Variants in OSBPL1A observed in about 807,000 individuals in gnomAD.
OSBPL1A encodes the protein oxysterol-binding protein-related protein 1.
OSBPL1A carries 80 observed loss-of-function variants against 137.1 expected under a neutral mutation model. That is an observed-to-expected ratio of 0.58 (90% CI 0.49 to 0.70). OSBPL1A has a LOEUF of 0.70. Ranked by LOEUF, OSBPL1A falls within the 30% of genes least tolerant of loss-of-function variation. The pLI is 0.00. For missense variants in OSBPL1A, 970 were observed against 1,129.4 expected (o/e 0.86, Z 2.02); for synonymous variants, 365 against 389.7 (o/e 0.94, Z 0.75).
chr18:24,397,286 G>A (rs966578088), intron 1 of OSBPL1A, among the ~76,000 whole-genome samples: 12 of 152,200 alleles, frequency 7.9e-5, no homozygotes, highest in African/African-American at 2.9e-4. Context: ...CTTGTTAGGA[G>A]GAAATTAAAA....
chr18:24,246,970 G>T (rs1311571329), intron 15 of OSBPL1A, among the ~76,000 whole-genome samples: 1 of 152,058 alleles, frequency 6.6e-6, no homozygotes, highest in Non-Finnish European at 1.5e-5. Flanking sequence ...AATCAAGGAC[G>T]ACTCCATGTT....
In OSBPL1A at chr18:24,296,057, T is replaced by TG. The variant is rs1445030904; in HGVS notation, c.1174+7579dup. Among the ~76,000 whole-genome samples, 10 of 152,342 alleles carry TG rather than the reference T, an allele frequency of 6.6e-5. No individual in the cohort carries two copies. The East Asian group carries it at 1.9e-3, about 29-fold the overall frequency. Reference sequence around the variant, plus strand: ...TCTGTGAAAAATTGTGATGGTATTTTGATGGGAATTGCATTGCATCTGTAA... The same window carrying TG: ...TCTGTGAAAAATTGTGATGGTATTTTGGATGGGAATTGCATTGCATCTGTAA... On this transcript the variant is annotated intron_variant, in intron 14 of 27. Coordinates refer to ENST00000319481, the MANE Select transcript of OSBPL1A (RefSeq NM_080597.4).
intron 7 of OSBPL1A, among the ~76,000 whole-genome samples, chr18:24,323,148 TCA>T: frequency 1.3e-5 from 2 of 152,214 alleles, no homozygotes; most frequent in Middle Eastern, 6.8e-3. Flanking sequence ...AGGGGAAATC[TCA>T]CATATTAAAA....
chr18:24,255,026 A>G (rs275851), intron 15 of OSBPL1A, among the ~76,000 whole-genome samples: 141,487 of 152,202 alleles, frequency 0.93, 65,937 homozygotes, highest in Admixed American at 0.97. Context: ...ACATTACAAC[A>G]GATACCACAG....
At position 24,175,127 on chromosome 18, in the gene OSBPL1A, TATATATATAC is replaced by T. The variant is rs1400602074; in HGVS notation, c.2094-2654_2094-2645del. Among the ~76,000 whole-genome samples the T allele has an allele frequency of 1.3e-3, 149 of 118,880 alleles. 1 individual carries two copies. The highest frequency in any genetic ancestry group is 3.2e-3 in the South Asian group (11 of 3,456). 78.0% of individuals were successfully genotyped at this position (118,880 alleles called of 152,430 possible). On this transcript the variant is annotated intron_variant, in intron 21 of 27. Transcript: ENST00000319481. ...GTGTATGTATATATATATATATATA[TATATATATAC>T]ACATATATATATATATATGAAGTAT...
At chr18:24,262,328 T>C (rs749802571) in intron 15 of OSBPL1A, among the ~76,000 whole-genome samples, 12 of 152,298 alleles carry the variant, frequency 7.9e-5, no homozygotes, top group Non-Finnish European at 1.3e-4. Context: ...GACCTAAAAA[T>C]AGCTTGCTCT....
intron 15 of OSBPL1A, among the ~76,000 whole-genome samples, chr18:24,280,242 G>A (rs1269023101): frequency 6.6e-6 from 1 of 152,112 alleles, no homozygotes; most frequent in African/African-American, 2.4e-5. Flanking sequence ...ACCACGCCTG[G>A]CCTAATTTTT....
intron 18 of OSBPL1A, 45 bp from the exon 19 acceptor site, chr18:24,181,324 C>T (rs2086600820): frequency 3.8e-6 from 6 of 1,586,000 alleles, no homozygotes; most frequent in Non-Finnish European, 5.2e-6. Flanking sequence ...ATATACATAA[C>T]AAACAAACCT....
At chr18:24,164,363 T>C (rs1343063482) in intron 27 of OSBPL1A, among the ~76,000 whole-genome samples, 1 of 149,262 alleles carries the variant, frequency 6.7e-6, no homozygotes, top group South Asian at 2.1e-4. Context: ...GCTCATACAC[T>C]CGTAGTGAAA....
At chr18:24,228,318 C>T (rs886243601) in intron 16 of OSBPL1A, among the ~76,000 whole-genome samples, 2 of 151,532 alleles carry the variant, frequency 1.3e-5, no homozygotes, top group African/African-American at 2.4e-5. Context: ...CTTACTCCTC[C>T]TCTATACTTT....
At chr18:24,277,176 A>G (rs997498467) in intron 15 of OSBPL1A, among the ~76,000 whole-genome samples, 2 of 152,178 alleles carry the variant, frequency 1.3e-5, no homozygotes, top group African/African-American at 2.4e-5. Flanking sequence ...TCACATAAAC[A>G]TTATCCCCTG....
rs1336442598 is a variant in OSBPL1A, at chr18:24,318,812, G to A, written c.626-3C>T. 1 of 1,611,376 alleles carries A rather than the reference G, an allele frequency of 6.2e-7. No homozygotes were observed. Among genetic ancestry groups the A allele is most frequent in the East Asian group, 2.2e-5 (1 of 44,844 alleles). On this transcript the variant is annotated splice_region_variant and splice_polypyrimidine_tract_variant and intron_variant, in intron 7 of 27. Transcript: ENST00000319481. Reference sequence around the variant, plus strand: ...GGCAAGGTCAAGAGGTTTCTGATCTGTGCAAAATACAAAGAAAAAAAGCCA... The same window carrying A: ...GGCAAGGTCAAGAGGTTTCTGATCTATGCAAAATACAAAGAAAAAAAGCCA...
chr18:24,324,056 TAAAA>T (rs766728996), intron 7 of OSBPL1A, among the ~76,000 whole-genome samples: 1 of 65,206 alleles, frequency 1.5e-5, no homozygotes, highest in Non-Finnish European at 3.1e-5. Context: ...CTCATTTGGG[TAAAA>T]AAAAAAAAAA....
chr18:24,292,952 A>T (rs2090203643), intron 14 of OSBPL1A, among the ~76,000 whole-genome samples: 2 of 151,990 alleles, frequency 1.3e-5, no homozygotes, highest in South Asian at 4.2e-4. Flanking sequence ...CTAAAAATAT[A>T]AAAATTAGCC....
At chr18:24,315,540 C>A (rs2090703179) in intron 11 of OSBPL1A, among the ~76,000 whole-genome samples, 1 of 144,912 alleles carries the variant, frequency 6.9e-6, no homozygotes, top group Non-Finnish European at 1.5e-5. Context: ...CTCCAGAACT[C>A]AACATTCATA....
chr18:24,269,357 C>T (rs1044145608), intron 15 of OSBPL1A, among the ~76,000 whole-genome samples: 2 of 152,210 alleles, frequency 1.3e-5, no homozygotes, highest in African/African-American at 4.8e-5. Context: ...CTTTCCCTTC[C>T]ATTCCGGTCT....
At chr18:24,267,978 G>T (rs543798363) in intron 15 of OSBPL1A, among the ~76,000 whole-genome samples, 2 of 152,018 alleles carry the variant, frequency 1.3e-5, no homozygotes, top group East Asian at 3.9e-4. Context: ...TTGAAAAAAA[G>T]GAATAAAATT....
intron 15 of OSBPL1A, among the ~76,000 whole-genome samples, chr18:24,244,663 A>G (rs1205856432): frequency 6.6e-6 from 1 of 152,226 alleles, no homozygotes; most frequent in Admixed American, 6.5e-5. Context: ...CCACTTCAAT[A>G]TGGCAGTCTC....
At position 24,312,118 on chromosome 18, in the gene OSBPL1A, C is replaced by A; in HGVS notation, c.970-12G>T. On this transcript the variant is annotated splice_polypyrimidine_tract_variant and intron_variant, in intron 12 of 27. Coordinates refer to ENST00000319481, the MANE Select transcript of OSBPL1A (RefSeq NM_080597.4). Reference sequence around the variant, plus strand: ...GCTTCCAGCCAGTCCTGAAATCATGCAAGAATTTAAATGAGAGTGAAAAGC... The same window carrying A: ...GCTTCCAGCCAGTCCTGAAATCATGAAAGAATTTAAATGAGAGTGAAAAGC... The A allele has an allele frequency of 6.2e-7, 1 of 1,612,598 alleles. No individual in the cohort carries two copies. Among genetic ancestry groups the A allele is most frequent in the Non-Finnish European group, 8.5e-7 (1 of 1,179,324 alleles).
Sources: gnomAD v4.1 joint callset for allele counts (sites outside exome capture counted in the v4.1 genomes callset) on GRCh38, gnomAD v4.1.1 for gene constraint, MANE v1.5 for transcripts, NCBI Gene and HGNC (gene_info 2026-07-23, HGNC 2026-07-21) for gene names.